The following SPATS2 variants were observed in gnomAD, a reference collection of about 807,000 sequenced individuals.
SPATS2 encodes the protein spermatogenesis associated serine rich 2.
Under a neutral mutation model 63.7 loss-of-function variants are expected in SPATS2, and 38 were observed. The ratio of observed to expected loss-of-function variants is 0.60; its 90% confidence interval spans 0.46 to 0.78. The LOEUF (loss-of-function observed/expected upper bound fraction) is 0.78. Ranked by LOEUF, SPATS2 falls within the 30% of genes least tolerant of loss-of-function variation. The pLI is 0.00. For synonymous variants in SPATS2, 207 were observed against 232.9 expected (o/e 0.89, Z 1.01); for missense variants, 588 against 666.2 (o/e 0.88, Z 1.29).
At chr12:49,431,067 AAGGT>A (rs993694542) in intron 2 of SPATS2, among the ~76,000 whole-genome samples, 1 of 152,172 alleles carries the variant, frequency 6.6e-6, no homozygotes, top group African/African-American at 2.4e-5. Flanking sequence ...AAAATATAAA[AAGGT>A]AGACTGAAAA....
At chr12:49,477,215 C>T (rs1455416270) in intron 3 of SPATS2, among the ~76,000 whole-genome samples, 1 of 152,076 alleles carries the variant, frequency 6.6e-6, no homozygotes, top group Non-Finnish European at 1.5e-5. Context: ...AATTGTTTGT[C>T]TACCTCCTTC....
At chr12:49,464,422 C>G (rs747807967) in intron 3 of SPATS2, among the ~76,000 whole-genome samples, 6 of 147,000 alleles carry the variant, frequency 4.1e-5, no homozygotes, top group Non-Finnish European at 8.9e-5. Flanking sequence ...GAGTTCGAGA[C>G]TAGCCTAACC....
rs200632632 is a variant in SPATS2, at chr12:49,517,824, A to AT, written c.899-1239dup. 3.9e-4 allele frequency among the ~76,000 whole-genome samples: 59 copies of AT among 150,736 alleles called. 1 individual carries two copies. Among genetic ancestry groups the AT allele is most frequent in the East Asian group, 3.9e-3 (20 of 5,168 alleles). On this transcript the variant is annotated intron_variant, in intron 10 of 13. Coordinates refer to ENST00000552918, the MANE Select transcript of SPATS2 (RefSeq NM_023071.4). The stretch of plus-strand genomic sequence containing the variant: ...TCTGTAGCAAAGCCAGAAAATATAG[A>AT]TTTTTTTTTTACCCAATTATGTTGG...
chr12:49,519,973 CCTGG>C (rs765780919), intron 11 of SPATS2, among the ~76,000 whole-genome samples: 2 of 151,756 alleles, frequency 1.3e-5, no homozygotes, highest in Non-Finnish European at 2.9e-5. Context: ...TGCCACCACG[CCTGG>C]CTAATTTTTT....
intron 2 of SPATS2, among the ~76,000 whole-genome samples, chr12:49,401,849 C>T (rs1183190283): frequency 1.3e-5 from 2 of 152,176 alleles, no homozygotes; most frequent in Admixed American, 6.5e-5. Context: ...AGCCATGTAG[C>T]ACACTGCCCA....
At chr12:49,525,847 G>T (rs1947023582) in intron 13 of SPATS2, 97 bp from the exon 14 acceptor site, 2 of 1,341,356 alleles carry the variant, frequency 1.5e-6, no homozygotes. Context: ...CCAAGCATGG[G>T]ATACCACAAT....
At chr12:49,492,515 C>T (rs1463912348) in intron 6 of SPATS2, among the ~76,000 whole-genome samples, 1 of 152,132 alleles carries the variant, frequency 6.6e-6, no homozygotes, top group African/African-American at 2.4e-5. Flanking sequence ...AGCCACTGCA[C>T]CCAGCTAACA....
In SPATS2 at chr12:49,446,000, G is replaced by A. The variant is rs185564331; in HGVS notation, c.-243-14770G>A. Among the ~76,000 whole-genome samples, 71 of 152,116 alleles carry A rather than the reference G, an allele frequency of 4.7e-4. No homozygotes were observed. The South Asian group carries it at 0.012, about 26-fold the overall frequency. ...GCCCACTGCAACCTCTGCCTCCTGG[G>A]CTCAAGTGATTTTTTGCCTCAGCCT... On this transcript the variant is annotated intron_variant, in intron 2 of 13. Transcript: ENST00000552918.
chr12:49,486,485 C>A, intron 4 of SPATS2: 1 of 270,820 alleles, frequency 3.7e-6, no homozygotes, highest in Non-Finnish European at 7.3e-6. Context: ...AGGCATGAGC[C>A]ACCGCATCCA....
intron 3 of SPATS2, among the ~76,000 whole-genome samples, chr12:49,464,960 C>G (rs991631863): frequency 6.6e-6 from 1 of 152,192 alleles, no homozygotes; most frequent in African/African-American, 2.4e-5. Context: ...CTAGAAATTT[C>G]ATATACACAT....
intron 2 of SPATS2, among the ~76,000 whole-genome samples, chr12:49,433,408 C>T (rs956603981): frequency 2.4e-4 from 36 of 152,338 alleles, no homozygotes; most frequent in African/African-American, 8.2e-4. Flanking sequence ...AGTGATCTGC[C>T]GACCTCGGCC....
At chr12:49,393,656 C>T (rs940149801) in intron 2 of SPATS2, among the ~76,000 whole-genome samples, 1 of 152,034 alleles carries the variant, frequency 6.6e-6, no homozygotes, top group East Asian at 1.9e-4. Context: ...TTTCAGGCAC[C>T]GTAGACATTA....
intron 3 of SPATS2, among the ~76,000 whole-genome samples, chr12:49,468,154 T>G (rs1383659273): frequency 6.7e-6 from 1 of 149,854 alleles, no homozygotes; most frequent in African/African-American, 2.5e-5. Context: ...TTTTCTTTCT[T>G]GTTTTTTTTT....
chr12:49,514,354 ATTTAT>A (rs888482321), intron 9 of SPATS2, 196 bp from the exon 10 acceptor site: 8 of 533,520 alleles, frequency 1.5e-5, no homozygotes, highest in Admixed American at 7.0e-5. Flanking sequence ...AATTGGGTCT[ATTTAT>A]TTTATTTATG....
chr12:49,470,035 C>T (rs1946006444), intron 3 of SPATS2, among the ~76,000 whole-genome samples: 1 of 148,604 alleles, frequency 6.7e-6, no homozygotes, highest in African/African-American at 2.5e-5. Context: ...GTTGTTTCTC[C>T]TTTTTTTTTT....
At chr12:49,430,107 T>TTG (rs1679761960) in intron 2 of SPATS2, among the ~76,000 whole-genome samples, 2 of 146,110 alleles carry the variant, frequency 1.4e-5, no homozygotes, top group African/African-American at 5.1e-5. Flanking sequence ...TTGTTTTTTT[T>TTG]TTTTTTTTTT....
intron 7 of SPATS2, 108 bp downstream of exon 7, chr12:49,495,110 C>T (rs1327141752): frequency 1.7e-6 from 2 of 1,168,436 alleles, no homozygotes. Context: ...TTATCCAGTG[C>T]TTGCTGATTA....
At chr12:49,466,997 C>G (rs139288676) in intron 3 of SPATS2, among the ~76,000 whole-genome samples, 62 of 146,676 alleles carry the variant, frequency 4.2e-4, no homozygotes, top group African/African-American at 1.5e-3. Context: ...TTTAAATGTA[C>G]AACTCTTGCA....
intron 9 of SPATS2, among the ~76,000 whole-genome samples, chr12:49,507,677 G>A (rs1042202581): frequency 6.6e-6 from 1 of 152,068 alleles, no homozygotes; most frequent in Non-Finnish European, 1.5e-5. Context: ...TTCTTGAATA[G>A]TTGTAATCGC....
Sources: gnomAD v4.1 joint callset for allele counts (sites outside exome capture counted in the v4.1 genomes callset) on GRCh38, gnomAD v4.1.1 for gene constraint, MANE v1.5 for transcripts, NCBI Gene and HGNC (gene_info 2026-07-23, HGNC 2026-07-21) for gene names.